The following NPAS3 variants were observed in gnomAD, a reference collection of about 807,000 sequenced individuals.
NPAS3 encodes the protein neuronal PAS domain-containing protein 3.
NPAS3 carries 14 observed loss-of-function variants against 73.1 expected under a neutral mutation model. That is an observed-to-expected ratio of 0.19 (90% CI 0.13 to 0.30). The LOEUF (loss-of-function observed/expected upper bound fraction) is 0.30. Among genes scored for constraint, NPAS3 ranks in the 10% least tolerant of loss-of-function variants. The probability of loss-of-function intolerance (pLI) is 1.00; values close to 1 mark genes in which losing one functional copy is unlikely to be tolerated. For missense variants in NPAS3, 1,096 were observed against 1,250.0 expected, an observed-to-expected ratio of 0.88 and a Z score of 1.86; for synonymous variants, 620 against 541.5, an observed-to-expected ratio of 1.14 and a Z score of -2.01.
At chr14:33,088,217 C>T (rs1040790283) in intron 2 of NPAS3, among the ~76,000 whole-genome samples, 5 of 152,170 alleles carry the variant, frequency 3.3e-5, no homozygotes, top group Admixed American at 1.3e-4. Context: ...GCCCACTCAG[C>T]GTGAGCTGAA....
At chr14:33,094,264 T>G (rs1397384483) in intron 2 of NPAS3, among the ~76,000 whole-genome samples, 3 of 152,182 alleles carry the variant, frequency 2.0e-5, no homozygotes, top group Non-Finnish European at 4.4e-5. Context: ...ACCCACTATA[T>G]GGACAATAAA....
At chr14:33,794,119 G>C in intron 10 of NPAS3, 75 bp downstream of exon 10, 2 of 1,310,122 alleles carry the variant, frequency 1.5e-6, no homozygotes, top group Non-Finnish European at 2.2e-6. Flanking sequence ...ATGGTTAATA[G>C]CCGACATGTT....
intron 5 of NPAS3, among the ~76,000 whole-genome samples, chr14:33,585,721 T>G (rs1057317847): frequency 6.6e-6 from 1 of 152,314 alleles, no homozygotes; most frequent in South Asian, 2.1e-4. Context: ...AGGGTTTACC[T>G]CCTCATAATT....
At chr14:33,357,207 T>G (rs2045378044) in intron 3 of NPAS3, among the ~76,000 whole-genome samples, 1 of 152,192 alleles carries the variant, frequency 6.6e-6, no homozygotes, top group African/African-American at 2.4e-5. Context: ...AAGAGCTGAT[T>G]TCAGTTTGCA....
At chr14:33,197,533 AAG>A (rs2046415018) in intron 2 of NPAS3, among the ~76,000 whole-genome samples, 1 of 152,158 alleles carries the variant, frequency 6.6e-6, no homozygotes, top group East Asian at 1.9e-4. Context: ...AGAAAAAAAA[AAG>A]AGAAGGCCAC....
chr14:33,313,464 GGA>G (rs1181493029), intron 3 of NPAS3, among the ~76,000 whole-genome samples: 1 of 152,058 alleles, frequency 6.6e-6, no homozygotes, highest in African/African-American at 2.4e-5. Flanking sequence ...TCCCAGTGGT[GGA>G]ATTTGTAAAT....
intron 5 of NPAS3, among the ~76,000 whole-genome samples, 185 bp from the exon 6 acceptor site, chr14:33,676,026 T>G (rs1021231348): frequency 6.6e-6 from 1 of 152,024 alleles, no homozygotes; most frequent in Non-Finnish European, 1.5e-5. Flanking sequence ...TAAATACATG[T>G]GAAAAAATCT....
Position 33,562,899 on chromosome 14 carries a change from G to GCACACACACACACACACA in NPAS3, c.558+2691_558+2708dup, listed in dbSNP as rs56063953. On this transcript the variant is annotated intron_variant, in intron 5 of 11. Coordinates refer to ENST00000356141, the Ensembl canonical transcript of NPAS3. Reference sequence around the variant, plus strand: ...AAATTAAGCATTTGTTCTTTTATGAGCACACACACACACACACACCCTTAA... The same window carrying GCACACACACACACACACA: ...AAATTAAGCATTTGTTCTTTTATGAGCACACACACACACACACACACACACACACACACACACCCTTAA... 5.2e-3 allele frequency among the ~76,000 whole-genome samples: 786 copies of GCACACACACACACACACA among 149,814 alleles called. 8 individuals are homozygous for GCACACACACACACACACA. Among genetic ancestry groups the GCACACACACACACACACA allele is most frequent in the African/African-American group, 0.016 (653 of 40,650 alleles).
At position 33,367,176 on chromosome 14, in the gene NPAS3, T is replaced by C. The variant is rs1283922230; in HGVS notation, c.386-10T>C. On this transcript the variant is annotated splice_polypyrimidine_tract_variant and intron_variant, in intron 3 of 11. Transcript: ENST00000356141. ...ATTGTTCTGTTTTCTTTCTTTCTTT[T>C]TCTTTTAAGTTATAGGTGCACAGCG... is the stretch of plus-strand genomic sequence containing the variant. 2 of 837,988 alleles carry C rather than the reference T, an allele frequency of 2.4e-6. No homozygotes were observed. The highest frequency in any genetic ancestry group is 2.0e-6 in the Non-Finnish European group (1 of 491,534). 51.9% of individuals were successfully genotyped at this position (837,988 alleles called of 1,614,324 possible).
intron 1 of NPAS3, among the ~76,000 whole-genome samples, chr14:32,960,314 GC>G (rs1273805818): frequency 6.6e-6 from 1 of 152,114 alleles, no homozygotes; most frequent in African/African-American, 2.4e-5. Flanking sequence ...CCATGGAGAA[GC>G]CATGTCTTAT....
chr14:33,616,460 G>A (rs1301016859), intron 5 of NPAS3, among the ~76,000 whole-genome samples: 1 of 152,172 alleles, frequency 6.6e-6, no homozygotes, highest in East Asian at 1.9e-4. Flanking sequence ...AGGAGAAGGT[G>A]AGATCACACA....
At chr14:33,365,381 T>G (rs186958731) in intron 3 of NPAS3, among the ~76,000 whole-genome samples, 2 of 152,236 alleles carry the variant, frequency 1.3e-5, no homozygotes, top group Admixed American at 1.3e-4. Context: ...AATAGGAAAT[T>G]AATCAGAAAT....
chr14:33,407,998 A>C (rs2047743772), intron 4 of NPAS3, among the ~76,000 whole-genome samples: 1 of 152,214 alleles, frequency 6.6e-6, no homozygotes, highest in African/African-American at 2.4e-5. Context: ...AGCCAAATAA[A>C]TGAATTTTCG....
intron 4 of NPAS3, among the ~76,000 whole-genome samples, chr14:33,374,319 G>C (rs949525450): frequency 6.6e-6 from 1 of 152,086 alleles, no homozygotes; most frequent in Non-Finnish European, 1.5e-5. Flanking sequence ...AAGAAAGTCA[G>C]GTCAAGATTT....
chr14:33,741,474 G>A (rs1158852457), intron 7 of NPAS3, among the ~76,000 whole-genome samples: 1 of 152,142 alleles, frequency 6.6e-6, no homozygotes, highest in Non-Finnish European at 1.5e-5. Context: ...TGCAAATAGA[G>A]GAGAGAACCA....
chr14:33,091,795 T>C (rs1191984877), intron 2 of NPAS3, among the ~76,000 whole-genome samples: 2 of 151,656 alleles, frequency 1.3e-5, no homozygotes, highest in African/African-American at 4.8e-5. Flanking sequence ...GCTTCATCCG[T>C]GGGATTCAAG....
chr14:33,374,438 T>A (rs1223500872), intron 4 of NPAS3, among the ~76,000 whole-genome samples: 1 of 152,036 alleles, frequency 6.6e-6, no homozygotes, highest in East Asian at 1.9e-4. Context: ...TCCTGCAGAG[T>A]TGTTTTTAGA....
chr14:32,973,775 G>C (rs1457803245), intron 1 of NPAS3, among the ~76,000 whole-genome samples: 1 of 151,996 alleles, frequency 6.6e-6, no homozygotes, highest in Non-Finnish European at 1.5e-5. Context: ...GAGCTCAAGT[G>C]ATCTGCCTGC....
intron 3 of NPAS3, among the ~76,000 whole-genome samples, chr14:33,233,935 T>A (rs1227401239): frequency 6.6e-6 from 1 of 152,168 alleles, no homozygotes; most frequent in Non-Finnish European, 1.5e-5. Flanking sequence ...TAATGAAGAC[T>A]TTTTCTTTGA....
Sources: allele counts gnomAD v4.1 joint callset (sites outside exome capture counted in the v4.1 genomes callset), GRCh38; gene constraint gnomAD v4.1.1; transcripts MANE v1.5; gene names NCBI Gene and HGNC (gene_info 2026-07-23, HGNC 2026-07-21).